NLRP8: variants seen among roughly 807,000 people sequenced by gnomAD.
NLRP8 encodes NACHT, LRR and PYD domains-containing protein 8.
In NLRP8, 86 loss-of-function variants were observed where a neutral mutation model predicts 88.7. The ratio of observed to expected loss-of-function variants is 0.97; its 90% CI spans 0.81 to 1.16. The LOEUF is 1.16. Among genes scored for constraint, NLRP8 ranks in the 50% most tolerant of loss-of-function variants. The pLI is 0.00. For missense variants in NLRP8, 1,342 were observed against 1,286.5 expected, an observed-to-expected ratio of 1.04 and a Z score of -0.66; for synonymous variants, 504 against 494.6, an observed-to-expected ratio of 1.02 and a Z score of -0.25.
chr19:55,986,481 C>CACACACACACAT (rs756006430), intron 9 of NLRP8, among the ~76,000 whole-genome samples: 10,473 of 144,424 alleles, frequency 0.073, 483 homozygotes, highest in East Asian at 0.22. Flanking sequence ...CATACACACA[C>CACACACACACAT]ACACACACAC....
chr19:55,978,234 G>C (rs546228722), intron 8 of NLRP8, among the ~76,000 whole-genome samples: 10 of 152,022 alleles, frequency 6.6e-5, no homozygotes, highest in Middle Eastern at 3.4e-3. Context: ...AGTTTTAGAG[G>C]GGGGAGGGAT....
chr19:55,953,876 A>G (rs1380380927), intron 2 of NLRP8, among the ~76,000 whole-genome samples: 1 of 132,344 alleles, frequency 7.6e-6, no homozygotes, highest in Admixed American at 9.4e-5. Flanking sequence ...ATCTTGGCTC[A>G]CTGGAACCTC....
intron 6 of NLRP8, among the ~76,000 whole-genome samples, chr19:55,971,053 A>G (rs1250339016): frequency 6.6e-6 from 1 of 152,138 alleles, no homozygotes; most frequent in Admixed American, 6.6e-5. Context: ...ATATTGAATC[A>G]GGTTGATCAG....
Position 55,954,989 on chromosome 19 carries a change from C to G in NLRP8, c.931C>G (p.Pro311Ala), listed in dbSNP as rs199538298. 1 of 1,614,124 alleles carries G rather than the reference C, an allele frequency of 6.2e-7. No homozygotes were observed. The highest frequency in any genetic ancestry group is 1.7e-5 in the Admixed American group (1 of 60,010). The change falls in exon 3 of 10, where the codon CCT becomes GCT. Residue 311 changes from proline (P) to alanine (A), a missense_variant. Transcript: ENST00000291971. The stretch of plus-strand genomic sequence containing the variant: ...GAGTGAAGACTGGAGGCAGAAATTG[C>G]CTGGGTCTGTCCTACTGAGCAGTTT...
intron 7 of NLRP8, 114 bp downstream of exon 7, chr19:55,973,936 A>C (rs1424116430): frequency 5.7e-6 from 6 of 1,046,374 alleles, no homozygotes; most frequent in Non-Finnish European, 1.4e-6. Context: ...ACTGCGTGTT[A>C]GGCATGGTGC....
chr19:55,981,370 G>A (rs941258222), intron 9 of NLRP8, among the ~76,000 whole-genome samples: 2 of 152,164 alleles, frequency 1.3e-5, no homozygotes, highest in Non-Finnish European at 2.9e-5. Context: ...GGAGTGTCAT[G>A]TGTTAACACA....
chr19:55,951,742 T>A (rs1347723898), intron 1 of NLRP8, among the ~76,000 whole-genome samples: 3 of 152,290 alleles, frequency 2.0e-5, no homozygotes, highest in African/African-American at 7.2e-5. Flanking sequence ...ATAGTTGTTA[T>A]CCTGTATTGG....
chr19:55,950,782 T>C (rs1979059188), intron 1 of NLRP8, among the ~76,000 whole-genome samples: 1 of 152,158 alleles, frequency 6.6e-6, no homozygotes, highest in South Asian at 2.1e-4. Flanking sequence ...CCCAGCAGTC[T>C]GAAAGGCCGA....
At chr19:55,952,069 T>C (rs1010977597) in intron 1 of NLRP8, among the ~76,000 whole-genome samples, 7 of 152,174 alleles carry the variant, frequency 4.6e-5, no homozygotes, top group Non-Finnish European at 2.9e-5. Flanking sequence ...GGTTTTTTAA[T>C]TGTATTATTT....
At chr19:55,987,701 G>T (rs191478125) in intron 9 of NLRP8, 4 of 725,496 alleles carry the variant, frequency 5.5e-6, no homozygotes, top group East Asian at 5.3e-5. Flanking sequence ...AGAAAGGTGA[G>T]GTGGGAGGGG....
At chr19:55,967,602 G>A (rs951881659) in intron 5 of NLRP8, among the ~76,000 whole-genome samples, 1 of 150,944 alleles carries the variant, frequency 6.6e-6, no homozygotes, top group African/African-American at 2.4e-5. Context: ...GTCTGTTGAT[G>A]GACACTTAGG....
rs1382822080 is a variant in NLRP8 at position 55,955,738 on chromosome 19, C to T, written c.1680C>T (p.Phe560=). ...TCTCTCACATGGGACTTTTCTTATT[C>T]GGTTTTCTGAACGAGGCCTGCGCTT... The change falls in exon 3 of 10, where the codon TTC becomes TTT. Residue 560 remains phenylalanine, a synonymous_variant. Coordinates refer to ENST00000291971, the MANE Select transcript of NLRP8 (RefSeq NM_176811.2). 6 of 1,613,956 alleles carry T rather than the reference C, an allele frequency of 3.7e-6. No homozygotes were observed. The highest frequency in any genetic ancestry group is 1.7e-5 in the Admixed American group (1 of 59,980).
At chr19:55,951,800 A>C (rs1003690803) in intron 1 of NLRP8, among the ~76,000 whole-genome samples, 2 of 152,132 alleles carry the variant, frequency 1.3e-5, no homozygotes, top group Non-Finnish European at 2.9e-5. Flanking sequence ...CCCAGGTTGG[A>C]GTGGAGTGGT....
chr19:55,979,286 C>T (rs1421524767), intron 8 of NLRP8, 108 bp from the exon 9 acceptor site: 7 of 1,210,360 alleles, frequency 5.8e-6, no homozygotes, highest in Non-Finnish European at 8.3e-6. Context: ...AACAACATTA[C>T]ACATTCCTGT....
Position 55,979,442 on chromosome 19 carries a change from C to G in NLRP8, c.2925C>G (p.Ser975=). Residue 975 remains serine, a synonymous_variant, in exon 9 of 10, where the codon TCC becomes TCG. Transcript: ENST00000291971. ...CCATCTGCTGCCAGGCCATGGCTTC[C>G]ATGCTCCGCAAAAACCAACATCTGA... is the stretch of plus-strand genomic sequence containing the variant. 1 of 1,614,208 alleles carries G rather than the reference C, an allele frequency of 6.2e-7. No individual in the cohort carries two copies.
rs529408284 is a variant in NLRP8, at chr19:55,947,962, C to T, written c.60C>T (p.His20=). 5 of 1,614,120 alleles carry T rather than the reference C, an allele frequency of 3.1e-6. No homozygotes were observed. Among genetic ancestry groups the T allele is most frequent in the Non-Finnish European group, 3.4e-6 (4 of 1,180,026 alleles). ...TTCCCTTTTCATCCTCCTCCACTCA[C>T]AGTTCTCATATTCCGCCCTGGACAT... The change falls in exon 1 of 10, where the codon CAC becomes CAT. Residue 20 remains histidine, a synonymous_variant. Coordinates refer to ENST00000291971, the MANE Select transcript of NLRP8 (RefSeq NM_176811.2).
intron 1 of NLRP8, among the ~76,000 whole-genome samples, chr19:55,949,642 A>G (rs1376073426): frequency 1.3e-5 from 2 of 152,112 alleles, no homozygotes; most frequent in African/African-American, 4.8e-5. Context: ...AGAAGGGGGG[A>G]CTACTGTATT....
rs111647316 is a variant in NLRP8 at position 55,979,493 on chromosome 19, G to T, written c.2976G>T (p.Ala992=). The T allele has an allele frequency of 1.2e-6, 2 of 1,614,206 alleles. No homozygotes were observed. The highest frequency in any genetic ancestry group is 1.3e-5 in the African/African-American group (1 of 75,062). Residue 992 remains alanine (A), a synonymous_variant, in exon 9 of 10, where the codon GCG becomes GCT. Transcript: ENST00000291971. ...GACATCTGGACTTGAGCAAGAATGCGATTGGAGTCTATGGTATTCTGACCT... is the reference window on the plus strand; with the variant it reads ...GACATCTGGACTTGAGCAAGAATGCTATTGGAGTCTATGGTATTCTGACCT...
intron 9 of NLRP8, among the ~76,000 whole-genome samples, chr19:55,983,490 TAAATG>T (rs201412574): frequency 0.011 from 1,202 of 105,488 alleles, 19 homozygotes; most frequent in African/African-American, 0.043. Flanking sequence ...AAAAAGCAAA[TAAATG>T]AAAGACGAAA....
Sources: allele counts gnomAD v4.1 joint callset (sites outside exome capture counted in the v4.1 genomes callset), GRCh38; gene constraint gnomAD v4.1.1; transcripts MANE v1.5; gene names NCBI Gene and HGNC (gene_info 2026-07-23, HGNC 2026-07-21).